The following TRABD2B variants were observed in gnomAD, a reference collection of about 807,000 sequenced individuals.
TRABD2B encodes TraB domain containing 2B, also known as metalloprotease TIKI2.
TRABD2B carries 14 observed loss-of-function variants against 40.1 expected under a neutral mutation model. That is an observed-to-expected ratio of 0.35 (90% CI 0.23 to 0.55). The LOEUF (loss-of-function observed/expected upper bound fraction) is 0.55, where lower values mean the gene tolerates loss of function less well. TRABD2B is among the 20% of genes least tolerant of loss of function. The pLI is 0.90. For synonymous variants in TRABD2B, 263 were observed against 277.0 expected (o/e 0.95, Z 0.50); for missense variants, 541 against 648.6 (o/e 0.83, Z 1.80).
chr1:47,937,801 A>G (rs1645133541), intron 2 of TRABD2B, among the ~76,000 whole-genome samples: 1 of 152,208 alleles, frequency 6.6e-6, no homozygotes, highest in Admixed American at 6.5e-5. Flanking sequence ...ACTGTCCTTC[A>G]GCTCATACCA....
intron 3 of TRABD2B, among the ~76,000 whole-genome samples, chr1:47,800,884 G>A (rs1245634266): frequency 6.6e-6 from 1 of 152,182 alleles, no homozygotes; most frequent in Non-Finnish European, 1.5e-5. Flanking sequence ...GGTCTGTAGG[G>A]TGGAGGACCT....
chr1:47,949,335 A>G (rs1384742893), intron 2 of TRABD2B, among the ~76,000 whole-genome samples: 2 of 150,128 alleles, frequency 1.3e-5, no homozygotes, highest in Non-Finnish European at 3.0e-5. Flanking sequence ...AAGCCTGGTC[A>G]CTTCCCTGCC....
chr1:47,973,629 G>A (rs1645713108), intron 2 of TRABD2B, among the ~76,000 whole-genome samples: 1 of 152,114 alleles, frequency 6.6e-6, no homozygotes, highest in Admixed American at 6.5e-5. Flanking sequence ...GCAACCAACA[G>A]TCATGTCTCA....
rs182571814 is a variant in TRABD2B at position 47,815,222 on chromosome 1, C to T, written c.667-13603G>A. Among the ~76,000 whole-genome samples the T allele has an allele frequency of 9.2e-5, 14 of 152,324 alleles. No homozygotes were observed. In the East Asian group the frequency reaches 2.1e-3, roughly 23 times the overall value. On this transcript the variant is annotated intron_variant, in intron 2 of 6. Transcript: ENST00000606738. ...AGCCTTGGGTCTTGGGAAAAGAACA[C>T]AGAGAAGTCAGACACATTCTGGATG...
rs115146998 is a variant in TRABD2B at position 47,974,802 on chromosome 1, A to G, written c.666+19232T>C. On this transcript the variant is annotated intron_variant, in intron 2 of 6. Coordinates refer to ENST00000606738, the MANE Select transcript of TRABD2B (RefSeq NM_001194986.2). ...TCTATAGTGGAGAAACCTGACAAATACTACTTCATCCAGGTGATCAAGGTT... is the reference window on the plus strand; with the variant it reads ...TCTATAGTGGAGAAACCTGACAAATGCTACTTCATCCAGGTGATCAAGGTT... 8.0e-3 allele frequency among the ~76,000 whole-genome samples: 1,214 copies of G among 152,328 alleles called. 27 individuals are homozygous for G. The highest frequency in any genetic ancestry group is 0.028 in the African/African-American group (1,173 of 41,574).
At chr1:47,865,724 C>T (rs1236012932) in intron 2 of TRABD2B, among the ~76,000 whole-genome samples, 2 of 152,102 alleles carry the variant, frequency 1.3e-5, no homozygotes, top group Non-Finnish European at 2.9e-5. Flanking sequence ...ATCCTCTGGC[C>T]TTGCATCCTA....
chr1:47,779,910 TG>T (rs1186959756), intron 4 of TRABD2B, among the ~76,000 whole-genome samples: 1 of 152,190 alleles, frequency 6.6e-6, no homozygotes, highest in African/African-American at 2.4e-5. Context: ...GACAGGCTGT[TG>T]GGGAACAGAG....
chr1:47,889,248 G>A (rs1644412649), intron 2 of TRABD2B, among the ~76,000 whole-genome samples: 1 of 152,214 alleles, frequency 6.6e-6, no homozygotes, highest in South Asian at 2.1e-4. Context: ...GGGAGGTCAG[G>A]ATCGCTGGCT....
intron 2 of TRABD2B, among the ~76,000 whole-genome samples, chr1:47,900,621 G>A (rs902038218): frequency 1.3e-5 from 2 of 152,092 alleles, no homozygotes; most frequent in African/African-American, 4.8e-5. Flanking sequence ...CAAGAGCACT[G>A]TTATCTCTGA....
chr1:47,940,757 G>A (rs1645174551), intron 2 of TRABD2B, among the ~76,000 whole-genome samples: 1 of 152,232 alleles, frequency 6.6e-6, no homozygotes, highest in African/African-American at 2.4e-5. Flanking sequence ...CCCAGGGACA[G>A]AGGCAGGATG....
chr1:47,771,071 C>T (rs925154524), intron 6 of TRABD2B, among the ~76,000 whole-genome samples: 2 of 152,192 alleles, frequency 1.3e-5, no homozygotes, highest in African/African-American at 2.4e-5. Flanking sequence ...GCATCTTCTA[C>T]CTCGAATCTG....
At chr1:47,838,324 C>G (rs956646084) in intron 2 of TRABD2B, among the ~76,000 whole-genome samples, 1 of 152,196 alleles carries the variant, frequency 6.6e-6, no homozygotes, top group African/African-American at 2.4e-5. Context: ...GCAGGGAAGG[C>G]TGAGGCTTGA....
intron 2 of TRABD2B, among the ~76,000 whole-genome samples, chr1:47,840,576 C>T (rs986003324): frequency 8.5e-5 from 13 of 152,206 alleles, no homozygotes; most frequent in African/African-American, 2.4e-4. Flanking sequence ...TAATGACAGG[C>T]CTGTCTTCAG....
At chr1:47,861,498 C>G (rs770617542) in intron 2 of TRABD2B, among the ~76,000 whole-genome samples, 1 of 152,080 alleles carries the variant, frequency 6.6e-6, no homozygotes, top group Non-Finnish European at 1.5e-5. Context: ...TAATAAGACA[C>G]AACTTGATAA....
At chr1:47,854,875 T>C (rs193097774) in intron 2 of TRABD2B, among the ~76,000 whole-genome samples, 1 of 151,782 alleles carries the variant, frequency 6.6e-6, no homozygotes, top group Non-Finnish European at 1.5e-5. Context: ...GAGTATGCCT[T>C]TGGAGTCACA....
chr1:47,867,440 T>C (rs1004953982), intron 2 of TRABD2B, among the ~76,000 whole-genome samples: 2 of 152,194 alleles, frequency 1.3e-5, no homozygotes, highest in Admixed American at 6.5e-5. Flanking sequence ...GAGGATTAAA[T>C]ACGATAATGT....
chr1:47,991,966 G>GGCTGA (rs1646018290), intron 2 of TRABD2B, among the ~76,000 whole-genome samples: 1 of 152,170 alleles, frequency 6.6e-6, no homozygotes, highest in African/African-American at 2.4e-5. Flanking sequence ...TTTAGTCCAA[G>GGCTGA]GCTGCCCAAG....
intron 2 of TRABD2B, among the ~76,000 whole-genome samples, chr1:47,822,423 C>T (rs1332226027): frequency 1.3e-5 from 2 of 152,224 alleles, no homozygotes; most frequent in African/African-American, 4.8e-5. Flanking sequence ...CAGTACAGTG[C>T]CTGCTGAGCT....
At chr1:47,798,736 G>C (rs1644781221) in intron 3 of TRABD2B, among the ~76,000 whole-genome samples, 1 of 152,132 alleles carries the variant, frequency 6.6e-6, no homozygotes, top group Non-Finnish European at 1.5e-5. Context: ...GCCAAGCCTG[G>C]TTCTCGTATC....
Sources: gnomAD v4.1 joint callset for allele counts (sites outside exome capture counted in the v4.1 genomes callset) on GRCh38, gnomAD v4.1.1 for gene constraint, MANE v1.5 for transcripts, NCBI Gene and HGNC (gene_info 2026-07-23, HGNC 2026-07-21) for gene names.